SH3PXD2B: variants seen among roughly 807,000 people sequenced by gnomAD.
SH3PXD2B encodes SH3 and PX domains 2B.
SH3PXD2B carries 37 observed loss-of-function variants against 73.1 expected under a neutral mutation model. That is an observed-to-expected ratio of 0.51 (90% confidence interval 0.39 to 0.67). SH3PXD2B has a LOEUF of 0.67. Among genes scored for constraint, SH3PXD2B ranks in the 30% least tolerant of loss-of-function variants. SH3PXD2B has a pLI of 0.00. For missense variants in SH3PXD2B, 1,053 were observed against 1,197.8 expected (o/e 0.88, Z 1.78); for synonymous variants, 457 against 480.5 (o/e 0.95, Z 0.64).
At position 172,337,860 on chromosome 5, in the gene SH3PXD2B, A is replaced by C; in HGVS notation, c.*509T>G. On this transcript the variant is annotated 3_prime_UTR_variant, in exon 13 of 13. Coordinates refer to ENST00000311601, the MANE Select transcript of SH3PXD2B (RefSeq NM_001017995.3). ...AACTGGTAATGGAATGCATTTCTTC[A>C]GGATGAAGTTCCTTCTGGTAGCAGG... The C allele has an allele frequency of 1.0e-6, 1 of 1,004,892 alleles. No individual in the cohort carries two copies. Among genetic ancestry groups the C allele is most frequent in the Non-Finnish European group, 1.2e-6 (1 of 840,996 alleles). The allele number at this position is 1,004,892 out of a possible 1,614,324, so 62.2% of individuals were successfully genotyped here.
chr5:172,419,588 G>T (rs1302105567), intron 2 of SH3PXD2B, among the ~76,000 whole-genome samples: 1 of 152,154 alleles, frequency 6.6e-6, no homozygotes, highest in African/African-American at 2.4e-5. Context: ...TCCAGAACAG[G>T]CTCCATGGGA....
chr5:172,393,087 AT>A, intron 4 of SH3PXD2B, among the ~76,000 whole-genome samples: 1 of 152,178 alleles, frequency 6.6e-6, no homozygotes, highest in Non-Finnish European at 1.5e-5. Context: ...TGGCTTGTCA[AT>A]TTCTATAAAA....
rs1272133593 is a variant in SH3PXD2B, at chr5:172,353,426, G to A, written c.785+462C>T. Among the ~76,000 whole-genome samples the A allele has an allele frequency of 6.6e-6, 1 of 152,234 alleles. No homozygotes were observed. The highest frequency in any genetic ancestry group is 1.5e-5 in the Non-Finnish European group (1 of 68,046). Reference sequence around the variant, plus strand: ...CACATAGGTGAAAGGGCTGTGAAAGGTGTTTGGAATGCAGACGCCCTGCTT... The same window carrying A: ...CACATAGGTGAAAGGGCTGTGAAAGATGTTTGGAATGCAGACGCCCTGCTT... On this transcript the variant is annotated intron_variant, in intron 9 of 12. Coordinates refer to ENST00000311601, the MANE Select transcript of SH3PXD2B (RefSeq NM_001017995.3). The surrounding 1 kb of genome is among the most constrained non-coding windows in gnomAD (Gnocchi z 4.3).
intron 3 of SH3PXD2B, among the ~76,000 whole-genome samples, chr5:172,405,774 A>G (rs1311698194): frequency 6.6e-6 from 1 of 152,204 alleles, no homozygotes; most frequent in Non-Finnish European, 1.5e-5. Flanking sequence ...GTTTTAAGCT[A>G]TTAAATTGGT....
At chr5:172,394,533 G>A (rs1758252926) in intron 4 of SH3PXD2B, 30 bp downstream of exon 4, 3 of 1,609,418 alleles carry the variant, frequency 1.9e-6, no homozygotes, top group African/African-American at 1.3e-5. Context: ...CACCTACAGG[G>A]AAGACTGCGT....
At chr5:172,444,370 C>A (rs1759614681) in intron 1 of SH3PXD2B, among the ~76,000 whole-genome samples, 3 of 152,208 alleles carry the variant, frequency 2.0e-5, no homozygotes, top group African/African-American at 7.2e-5. Context: ...CCCACCTTTC[C>A]AATACATTCT....
chr5:172,412,606 C>T (rs567217557), intron 2 of SH3PXD2B, among the ~76,000 whole-genome samples: 1 of 152,292 alleles, frequency 6.6e-6, no homozygotes, highest in South Asian at 2.1e-4. Flanking sequence ...GCCCTGCAAG[C>T]TTTCCTTGCC....
chr5:172,342,761 GAA>G (rs113428401), intron 12 of SH3PXD2B, among the ~76,000 whole-genome samples: 1 of 146,134 alleles, frequency 6.8e-6, no homozygotes, highest in Non-Finnish European at 1.5e-5. Flanking sequence ...ACTCTGTCTC[GAA>G]AAAAAAAAAG....
intron 1 of SH3PXD2B, among the ~76,000 whole-genome samples, chr5:172,452,130 C>T (rs1004259931): frequency 5.9e-5 from 9 of 152,154 alleles, no homozygotes; most frequent in Non-Finnish European, 1.2e-4. Context: ...GCCTGTCATG[C>T]GGCTGCTACC....
chr5:172,416,708 T>C (rs926551825), intron 2 of SH3PXD2B, among the ~76,000 whole-genome samples: 2 of 40,470 alleles, frequency 4.9e-5, no homozygotes, highest in Non-Finnish European at 4.7e-5. Flanking sequence ...TTTTTTTTTT[T>C]TTTTTTTTTT....
At chr5:172,346,106 A>T in intron 12 of SH3PXD2B, 30 bp downstream of exon 12, 1 of 1,613,784 alleles carries the variant, frequency 6.2e-7, no homozygotes, top group South Asian at 1.1e-5. Flanking sequence ...AGGAATCACA[A>T]GTAGGCAAAG....
chr5:172,354,134 C>T, intron 8 of SH3PXD2B, 129 bp from the exon 9 acceptor site: 1 of 833,922 alleles, frequency 1.2e-6, no homozygotes, highest in East Asian at 2.5e-5. Flanking sequence ...CCCCCCTGGC[C>T]CTGACCTAGC....
chr5:172,373,782 A>C lies in SH3PXD2B; in HGVS notation c.427+8T>G. The C allele has an allele frequency of 6.2e-7, 1 of 1,613,592 alleles. No individual in the cohort carries two copies. Among genetic ancestry groups the C allele is most frequent in the Non-Finnish European group, 8.5e-7 (1 of 1,179,770 alleles). ...GAACGAAGAGAAGAAAATAGAAAATATTCTTACCAGATTTCTTTTTCCCAA... is the reference window on the plus strand; with the variant it reads ...GAACGAAGAGAAGAAAATAGAAAATCTTCTTACCAGATTTCTTTTTCCCAA... On this transcript the variant is annotated splice_region_variant and intron_variant, in intron 6 of 12. Transcript: ENST00000311601.
chr5:172,359,034 T>G (rs989782528), intron 7 of SH3PXD2B, among the ~76,000 whole-genome samples, 157 bp from the exon 8 acceptor site: 1 of 152,180 alleles, frequency 6.6e-6, no homozygotes, highest in African/African-American at 2.4e-5. Flanking sequence ...TGTTACCTGC[T>G]AACTGCTAAA....
intron 1 of SH3PXD2B, among the ~76,000 whole-genome samples, chr5:172,430,154 A>G (rs1434482121): frequency 6.6e-6 from 1 of 152,248 alleles, no homozygotes; most frequent in Admixed American, 6.5e-5. Flanking sequence ...GTGCCTGGAT[A>G]TGGTAAATGT....
intron 4 of SH3PXD2B, among the ~76,000 whole-genome samples, chr5:172,383,515 C>T (rs1302572818): frequency 6.6e-6 from 1 of 152,240 alleles, no homozygotes. Flanking sequence ...CATGAATAAA[C>T]AGCTCAGTTT....
At position 172,422,458 on chromosome 5, in the gene SH3PXD2B, G is replaced by A. The variant is rs777744567; in HGVS notation, c.114C>T (p.Thr38=). ...IIRVTWSSGS[T]EAIYRRYSKF... ...TGCTGTAGCGCCGGTAAATGGCCTC[G>A]GTGGAGCCGCTGGACCACGTGACCC... Residue 38 remains threonine (T), a synonymous_variant, in exon 2 of 13, where the codon ACC becomes ACT. Transcript: ENST00000311601. 1.2e-5 allele frequency: 20 copies of A among 1,612,626 alleles called. No homozygotes were observed. Among genetic ancestry groups the A allele is most frequent in the East Asian group, 6.7e-5 (3 of 44,878 alleles).
chr5:172,354,365 A>G (rs1332332905), intron 8 of SH3PXD2B, among the ~76,000 whole-genome samples: 2 of 152,138 alleles, frequency 1.3e-5, no homozygotes, highest in East Asian at 3.8e-4. Context: ...ACCTTGTAAC[A>G]CGACATGTAT....
rs182332357 is a variant in SH3PXD2B at position 172,327,986 on chromosome 5, T to C, written c.1189-2606A>G. ...GCCAGGCTGGTCTCGAACTCCTGAC[T>C]TCAAGTGATCCACCCACTTCGGTTT... On this transcript the variant is annotated intron_variant, in intron 12 of 12. Transcript: ENST00000519643. 3.1e-3 allele frequency among the ~76,000 whole-genome samples: 456 copies of C among 149,020 alleles called. 3 individuals are homozygous for C. Among genetic ancestry groups the C allele is most frequent in the African/African-American group, 0.011 (437 of 40,452 alleles).
Sources: allele counts gnomAD v4.1 joint callset (sites outside exome capture counted in the v4.1 genomes callset), GRCh38; gene constraint gnomAD v4.1.1; non-coding constraint Gnocchi (gnomAD v3.1); transcripts MANE v1.5; gene names NCBI Gene and HGNC (gene_info 2026-07-23, HGNC 2026-07-21).